Variants in BTRC observed in about 807,000 individuals in gnomAD.
BTRC encodes the protein beta-transducin repeat containing E3 ubiquitin protein ligase, also known as F-box/WD repeat-containing protein 1A.
Under a neutral mutation model 85.5 loss-of-function variants are expected in BTRC, and 42 were observed. The observed-to-expected ratio is 0.49, with a 90% confidence interval of 0.38 to 0.64. BTRC has a LOEUF of 0.64. BTRC is among the 30% of genes least tolerant of loss of function. The probability of loss-of-function intolerance (pLI) is 0.00; values close to 1 mark genes in which losing one functional copy is unlikely to be tolerated. For synonymous variants in BTRC, 255 were observed against 263.3 expected (o/e 0.97, Z 0.30); for missense variants, 594 against 743.5 (o/e 0.80, Z 2.34).
At position 101,393,387 on chromosome 10, in the gene BTRC, A is replaced by G. The variant is rs193230885; in HGVS notation, c.49-36958A>G. ...AACCCCAACTTGAAGCCAGTCAGTCAGAAGCTCCAGAGGCCCAGAGTTGTG... is the reference window on the plus strand; with the variant it reads ...AACCCCAACTTGAAGCCAGTCAGTCGGAAGCTCCAGAGGCCCAGAGTTGTG... On this transcript the variant is annotated intron_variant, in intron 1 of 14. Transcript: ENST00000370187. 3.5e-4 allele frequency among the ~76,000 whole-genome samples: 53 copies of G among 152,318 alleles called. 1 individual carries two copies. The highest frequency in any genetic ancestry group is 5.9e-4 in the Admixed American group (9 of 15,294).
At chr10:101,374,801 G>A (rs986639454) in intron 1 of BTRC, among the ~76,000 whole-genome samples, 42 of 146,422 alleles carry the variant, frequency 2.9e-4, no homozygotes, top group Admixed American at 5.4e-4. Context: ...AAAAAAAAAA[G>A]AAAAGTTTAT....
At chr10:101,393,505 G>T (rs1257533247) in intron 1 of BTRC, among the ~76,000 whole-genome samples, 1 of 152,158 alleles carries the variant, frequency 6.6e-6, no homozygotes, top group Non-Finnish European at 1.5e-5. Flanking sequence ...AGTCATAGCA[G>T]TTAACAAGAA....
intron 2 of BTRC, among the ~76,000 whole-genome samples, chr10:101,431,099 CGGA>C (rs1179359825): frequency 1.1e-5 from 1 of 94,484 alleles, no homozygotes; most frequent in African/African-American, 4.1e-5. Flanking sequence ...TTTTTTGAGA[CGGA>C]GTCTTGCTTC....
chr10:101,551,773 G>A (rs899531930), intron 14 of BTRC, among the ~76,000 whole-genome samples: 5 of 152,176 alleles, frequency 3.3e-5, no homozygotes, highest in Non-Finnish European at 7.3e-5. Flanking sequence ...CTCTCACAGA[G>A]GACACGGTTC....
intron 4 of BTRC, among the ~76,000 whole-genome samples, chr10:101,480,611 GA>G (rs970260458): frequency 1.3e-5 from 2 of 152,046 alleles, no homozygotes; most frequent in African/African-American, 4.8e-5. Flanking sequence ...GAATTTTGGA[GA>G]ACACAAACGT....
At chr10:101,541,044 A>T (rs1349391102) in intron 13 of BTRC, among the ~76,000 whole-genome samples, 1 of 151,528 alleles carries the variant, frequency 6.6e-6, no homozygotes, top group African/African-American at 2.4e-5. Flanking sequence ...ATACATAGAA[A>T]TATACTTTTA....
rs550378870 is a variant in BTRC at position 101,543,421 on chromosome 10, G to T, written c.1656+5050G>T. ...ATGCCTGTGTCTTTATATTTAAAAT[G>T]AATTTCTCATATTCAGCATATAGTT... On this transcript the variant is annotated intron_variant, in intron 13 of 14. Transcript: ENST00000370187. Among the ~76,000 whole-genome samples, 6 of 148,512 alleles carry T rather than the reference G, an allele frequency of 4.0e-5. No homozygotes were observed. In the East Asian group the frequency reaches 1.2e-3, roughly 29 times the overall value.
At chr10:101,366,348 A>G (rs1942372895) in intron 1 of BTRC, among the ~76,000 whole-genome samples, 2 of 152,138 alleles carry the variant, frequency 1.3e-5, no homozygotes, top group South Asian at 4.1e-4. Context: ...TGAAGATACA[A>G]AGTTGAATAA....
chr10:101,412,009 G>T (rs1943793709), intron 1 of BTRC, among the ~76,000 whole-genome samples: 1 of 152,046 alleles, frequency 6.6e-6, no homozygotes, highest in South Asian at 2.1e-4. Flanking sequence ...GCTTTCTAAG[G>T]CTCCTAGTGA....
chr10:101,450,940 A>G (rs1463778432), intron 2 of BTRC, among the ~76,000 whole-genome samples: 2 of 152,174 alleles, frequency 1.3e-5, no homozygotes, highest in African/African-American at 4.8e-5. Flanking sequence ...CTCAGTAACT[A>G]TTAATTATGA....
At chr10:101,405,272 G>T (rs1943592650) in intron 1 of BTRC, among the ~76,000 whole-genome samples, 1 of 152,046 alleles carries the variant, frequency 6.6e-6, no homozygotes. Context: ...AAAGCAATGA[G>T]GTTTTGTCTC....
chr10:101,355,682 C>T (rs1251428335), intron 1 of BTRC, among the ~76,000 whole-genome samples: 2 of 152,088 alleles, frequency 1.3e-5, no homozygotes, highest in Admixed American at 6.5e-5. Context: ...CCTAAAATAC[C>T]GTAACAAATC....
intron 2 of BTRC, among the ~76,000 whole-genome samples, chr10:101,456,059 TA>T (rs1945073617): frequency 6.9e-6 from 1 of 144,816 alleles, no homozygotes; most frequent in Non-Finnish European, 1.5e-5. Flanking sequence ...TAATCCCAGC[TA>T]CTCGGGAGGC....
chr10:101,551,701 T>C (rs184269663), intron 14 of BTRC, among the ~76,000 whole-genome samples: 2 of 152,360 alleles, frequency 1.3e-5, no homozygotes, highest in Middle Eastern at 3.4e-3. Context: ...TGCATCTCTC[T>C]TTGCAGTGTT....
intron 4 of BTRC, among the ~76,000 whole-genome samples, chr10:101,499,362 TA>T (rs1398836025): frequency 2.0e-5 from 3 of 151,980 alleles, no homozygotes; most frequent in Admixed American, 2.0e-4. Flanking sequence ...TAGCCGGGAT[TA>T]TAGGCATGCA....
chr10:101,363,677 G>A (rs1942280521), intron 1 of BTRC, among the ~76,000 whole-genome samples: 2 of 152,060 alleles, frequency 1.3e-5, no homozygotes, highest in African/African-American at 4.8e-5. Flanking sequence ...CACTGTGCCT[G>A]GCCGGGAAGT....
At chr10:101,494,565 G>T (rs1458347840) in intron 4 of BTRC, among the ~76,000 whole-genome samples, 1 of 152,104 alleles carries the variant, frequency 6.6e-6, no homozygotes, top group Non-Finnish European at 1.5e-5. Flanking sequence ...TTACTTTTAA[G>T]GTGACTCTGC....
At chr10:101,394,165 T>A (rs761148097) in intron 1 of BTRC, among the ~76,000 whole-genome samples, 7 of 152,172 alleles carry the variant, frequency 4.6e-5, no homozygotes, top group Non-Finnish European at 8.8e-5. Context: ...TGTTGAATTT[T>A]TTTATGAAAG....
intron 1 of BTRC, among the ~76,000 whole-genome samples, chr10:101,403,938 T>G (rs963105148): frequency 6.7e-6 from 1 of 149,856 alleles, no homozygotes; most frequent in Non-Finnish European, 1.5e-5. Context: ...GGTACTCTCT[T>G]TCTTTCAAGA....
Sources: gnomAD v4.1 joint callset for allele counts (sites outside exome capture counted in the v4.1 genomes callset) on GRCh38, gnomAD v4.1.1 for gene constraint, MANE v1.5 for transcripts, NCBI Gene and HGNC (gene_info 2026-07-23, HGNC 2026-07-21) for gene names.